Variants in LRRTM4 observed in about 807,000 individuals in gnomAD.
LRRTM4 encodes the protein leucine-rich repeat transmembrane neuronal protein 4.
In LRRTM4, 25 loss-of-function variants were observed where a neutral mutation model predicts 47.6. The ratio of observed to expected loss-of-function variants is 0.53; its 90% CI spans 0.38 to 0.73. The LOEUF (loss-of-function observed/expected upper bound fraction) is 0.73, where lower values mean the gene tolerates loss of function less well. Among genes scored for constraint, LRRTM4 ranks in the 30% least tolerant of loss-of-function variants. LRRTM4 has a pLI of 0.00. For missense variants in LRRTM4, 638 were observed against 713.4 expected (o/e 0.89, Z 1.20); for synonymous variants, 311 against 269.5 (o/e 1.15, Z -1.51).
Position 76,810,386 on chromosome 2 carries a change from G to A in LRRTM4, c.1552-61470C>T, listed in dbSNP as rs181040739. Among the ~76,000 whole-genome samples the A allele has an allele frequency of 7.2e-5, 11 of 152,156 alleles. No individual in the cohort carries two copies. In the East Asian group the frequency reaches 1.7e-3, roughly 24 times the overall value. Reference sequence around the variant, plus strand: ...AGAATATAACCTAATTTCACCAAAAGGATATAAAATAGAATAACTGTTTTC... The same window carrying A: ...AGAATATAACCTAATTTCACCAAAAAGATATAAAATAGAATAACTGTTTTC... On this transcript the variant is annotated intron_variant, in intron 3 of 3. Coordinates refer to ENST00000409884, the MANE Select transcript of LRRTM4 (RefSeq NM_001134745.3).
At chr2:77,243,891 G>C (rs1336678625) in intron 3 of LRRTM4, among the ~76,000 whole-genome samples, 1 of 138,002 alleles carries the variant, frequency 7.2e-6, no homozygotes, top group Non-Finnish European at 1.5e-5. Context: ...TCTAGCCTTA[G>C]GTATATCTCC....
At chr2:77,388,356 T>C (rs1190712530) in intron 3 of LRRTM4, among the ~76,000 whole-genome samples, 3 of 152,136 alleles carry the variant, frequency 2.0e-5, no homozygotes, top group East Asian at 1.9e-4. Flanking sequence ...ATTATTTCTC[T>C]ACGGCAGACA....
intron 3 of LRRTM4, among the ~76,000 whole-genome samples, chr2:77,190,965 C>T (rs1673653793): frequency 6.6e-6 from 1 of 152,090 alleles, no homozygotes; most frequent in Non-Finnish European, 1.5e-5. Context: ...CTTTGTTATG[C>T]TACTGAGTTT....
At chr2:77,058,547 C>T (rs1679683450) in intron 3 of LRRTM4, among the ~76,000 whole-genome samples, 1 of 151,648 alleles carries the variant, frequency 6.6e-6, no homozygotes, top group African/African-American at 2.4e-5. Context: ...CTATTTTCAT[C>T]TCTTCTTCTA....
intron 3 of LRRTM4, among the ~76,000 whole-genome samples, chr2:76,864,936 T>C (rs113378313): frequency 0.083 from 12,512 of 150,348 alleles, 1,262 homozygotes; most frequent in African/African-American, 0.24. Flanking sequence ...AGGGTACCAC[T>C]ATGTTGCCCA....
intron 3 of LRRTM4, among the ~76,000 whole-genome samples, chr2:76,763,473 A>T (rs1673337372): frequency 6.6e-6 from 1 of 152,218 alleles, no homozygotes; most frequent in African/African-American, 2.4e-5. Context: ...CCACAACCTA[A>T]GAGAAGAGTT....
intron 3 of LRRTM4, among the ~76,000 whole-genome samples, chr2:77,256,817 T>G (rs1675781367): frequency 7.1e-6 from 1 of 140,946 alleles, no homozygotes; most frequent in Admixed American, 7.0e-5. Flanking sequence ...AACCAGTTGA[T>G]AAAGTCCATA....
chr2:76,925,433 G>A (rs11886944), intron 3 of LRRTM4, among the ~76,000 whole-genome samples: 7 of 152,042 alleles, frequency 4.6e-5, no homozygotes, highest in Non-Finnish European at 7.4e-5. Context: ...GCTCTTAGCC[G>A]AGGATCCATT....
At chr2:77,110,482 T>C (rs540387142) in intron 3 of LRRTM4, among the ~76,000 whole-genome samples, 3 of 152,162 alleles carry the variant, frequency 2.0e-5, no homozygotes, top group Non-Finnish European at 4.4e-5. Context: ...GCAAACATAA[T>C]TTGGGTATTA....
chr2:77,088,723 C>T (rs531454623), intron 3 of LRRTM4, among the ~76,000 whole-genome samples: 1 of 152,156 alleles, frequency 6.6e-6, no homozygotes, highest in Non-Finnish European at 1.5e-5. Context: ...GGAGATCAAT[C>T]CCCCGTCCTC....
At chr2:77,508,886 T>C in intron 3 of LRRTM4, among the ~76,000 whole-genome samples, 1 of 152,070 alleles carries the variant, frequency 6.6e-6, no homozygotes. Flanking sequence ...AATGTATTGT[T>C]GAAAACTCCC....
At chr2:77,291,294 A>G (rs1201662918) in intron 3 of LRRTM4, among the ~76,000 whole-genome samples, 1 of 152,130 alleles carries the variant, frequency 6.6e-6, no homozygotes, top group Non-Finnish European at 1.5e-5. Context: ...TTCTGAGAAG[A>G]AAATGGAAGA....
At chr2:77,369,828 A>C (rs2103766161) in intron 3 of LRRTM4, among the ~76,000 whole-genome samples, 1 of 151,836 alleles carries the variant, frequency 6.6e-6, no homozygotes, top group Admixed American at 6.6e-5. Context: ...AGTAACAAAT[A>C]CTGTAGGCAA....
At chr2:77,052,843 G>T (rs1202446125) in intron 3 of LRRTM4, among the ~76,000 whole-genome samples, 3 of 152,016 alleles carry the variant, frequency 2.0e-5, no homozygotes, top group African/African-American at 4.8e-5. Context: ...AAATGTGTTT[G>T]ATGTAAGACT....
chr2:77,472,682 T>C (rs1677237717), intron 3 of LRRTM4, among the ~76,000 whole-genome samples: 1 of 152,108 alleles, frequency 6.6e-6, no homozygotes, highest in Non-Finnish European at 1.5e-5. Flanking sequence ...CTGCGTGCAT[T>C]CTACATTAAA....
chr2:76,969,015 G>A (rs1676133051), intron 3 of LRRTM4, among the ~76,000 whole-genome samples: 1 of 151,804 alleles, frequency 6.6e-6, no homozygotes, highest in South Asian at 2.1e-4. Flanking sequence ...CTCCCAAAAG[G>A]CTTTCCTCTC....
intron 3 of LRRTM4, among the ~76,000 whole-genome samples, chr2:77,290,130 CAAACTAGATGAAAT>C (rs1328791989): frequency 6.6e-6 from 1 of 151,732 alleles, no homozygotes; most frequent in African/African-American, 2.4e-5. Context: ...ACTCATGAAA[CAAACTAGATGAAAT>C]AAAAAGCCCA....
At chr2:77,453,008 A>C (rs1178450805) in intron 3 of LRRTM4, among the ~76,000 whole-genome samples, 1 of 151,922 alleles carries the variant, frequency 6.6e-6, no homozygotes, top group Non-Finnish European at 1.5e-5. Flanking sequence ...TGCATACTTG[A>C]AATTAATTTT....
At chr2:76,961,725 G>T (rs1231633706) in intron 3 of LRRTM4, among the ~76,000 whole-genome samples, 1 of 151,116 alleles carries the variant, frequency 6.6e-6, no homozygotes, top group African/African-American at 2.4e-5. Flanking sequence ...AAAATGAAGG[G>T]TTATAACCAA....
Sources: allele counts gnomAD v4.1 joint callset (sites outside exome capture counted in the v4.1 genomes callset), GRCh38; gene constraint gnomAD v4.1.1; transcripts MANE v1.5; gene names NCBI Gene and HGNC (gene_info 2026-07-23, HGNC 2026-07-21).